The following EIF4E2 variants were observed in gnomAD, a reference collection of about 807,000 sequenced individuals.
EIF4E2 encodes eukaryotic translation initiation factor 4E type 2.
A neutral mutation model predicts 34.2 loss-of-function variants in EIF4E2; 13 were observed. That is an observed-to-expected ratio of 0.38 (90% CI 0.25 to 0.60). The LOEUF (loss-of-function observed/expected upper bound fraction) is 0.60. Among genes scored for constraint, EIF4E2 ranks in the 20% least tolerant of loss-of-function variants. EIF4E2 has a pLI of 0.62. For synonymous variants in EIF4E2, 100 were observed against 106.6 expected, an observed-to-expected ratio of 0.94 and a Z score of 0.38; for missense variants, 222 against 315.1, an observed-to-expected ratio of 0.70 and a Z score of 2.24.
chr2:232,576,074 C>G (rs952190349), intron 6 of EIF4E2, among the ~76,000 whole-genome samples: 12 of 152,030 alleles, frequency 7.9e-5, no homozygotes, highest in African/African-American at 2.4e-4. Flanking sequence ...CGTGGTGGCA[C>G]ACACCTGTTG....
rs137972142 is a variant in EIF4E2 at position 232,559,441 on chromosome 2, A to AAAAAAAT, written c.270+1426_270+1427insAAATAAA. On this transcript the variant is annotated intron_variant, in intron 3 of 6. Coordinates refer to ENST00000258416, the MANE Select transcript of EIF4E2 (RefSeq NM_004846.4). ...TTTTTTAAAGTGCTTTGGTTTGAAAAAAATAAAAAAATAAAATAAAATGCA... is the reference window on the plus strand; with the variant it reads ...TTTTTTAAAGTGCTTTGGTTTGAAAAAAAAAATAAATAAAAAAATAAAATAAAATGCA... Among the ~76,000 whole-genome samples, 243 of 135,422 alleles carry AAAAAAAT rather than the reference A, an allele frequency of 1.8e-3. 1 individual carries two copies. The highest frequency in any genetic ancestry group is 3.9e-3 in the Middle Eastern group (1 of 256). 88.8% of individuals were successfully genotyped at this position (135,422 alleles called of 152,430 possible).
chr2:232,568,056 T>C (rs1359218962), intron 6 of EIF4E2: 3 of 985,162 alleles, frequency 3.0e-6, no homozygotes, highest in Admixed American at 6.1e-5. Context: ...GACAGTACTT[T>C]ATCTAACAAG....
rs771772092 is a variant in EIF4E2 at position 232,566,914 on chromosome 2, C to T, written c.461C>T (p.Ala154Val). ...ASRCWENLIL[A>V]MLGEQFMVGE... is the part of the protein sequence containing the mutation. The stretch of plus-strand genomic sequence containing the variant: ...CGTTGCTGGGAGAATCTCATTTTGG[C>T]CATGCTGGGGGAACAGTTCATGGTT... The change falls in exon 5 of 7, where the codon GCC becomes GTC. Residue 154 changes from alanine to valine, a missense_variant. By Grantham distance (64) the Ala-to-Val change is moderately conservative. Transcript: ENST00000258416. This position sits in a 1 kb window ranked among gnomAD's most constrained non-coding sequence, Gnocchi z 4.9. 6.2e-7 allele frequency: 1 copy of T among 1,612,264 alleles called. No homozygotes were observed. Among genetic ancestry groups the T allele is most frequent in the Non-Finnish European group, 8.5e-7 (1 of 1,179,222 alleles).
intron 3 of EIF4E2, among the ~76,000 whole-genome samples, chr2:232,559,436 T>TG (rs1159326250): frequency 7.4e-4 from 83 of 112,212 alleles, no homozygotes; most frequent in African/African-American, 2.8e-3. Context: ...TGCTTTGGTT[T>TG]GAAAAAAATA....
chr2:232,555,801 T>C (rs1030530861), intron 1 of EIF4E2, among the ~76,000 whole-genome samples: 1 of 152,220 alleles, frequency 6.6e-6, no homozygotes, highest in African/African-American at 2.4e-5. Flanking sequence ...CATTTTGCTG[T>C]ACTTTATCTT....
rs71056276 is a variant in EIF4E2 at position 232,579,123 on chromosome 2, T to TACACACACACAC, written c.666-1748_666-1737dup. Among the ~76,000 whole-genome samples the TACACACACACAC allele has an allele frequency of 1.4e-3, 200 of 146,628 alleles. 1 individual carries two copies. The highest frequency in any genetic ancestry group is 3.5e-3 in the Middle Eastern group (1 of 282). ...TATTTTCCCTAAGAGAACTCAGAAATACACACACACACACACACACACACA... is the reference window on the plus strand; with the variant it reads ...TATTTTCCCTAAGAGAACTCAGAAATACACACACACACACACACACACACACACACACACACA... On this transcript the variant is annotated intron_variant, in intron 6 of 6. Coordinates refer to the EIF4E2 transcript ENST00000409098.
rs758085264 is a variant in EIF4E2 at position 232,557,892 on chromosome 2, C to T, written c.144C>T (p.Val48=). The T allele has an allele frequency of 1.2e-6, 2 of 1,613,362 alleles. No individual in the cohort carries two copies. The highest frequency in any genetic ancestry group is 3.3e-5 in the Admixed American group (2 of 59,986). ...CCTTCTTTACTTCCCAGGCTGTTGT[C>T]CCTGGACCGGCAGAGCATCCCCTGC... ...NQSSSKRKAV[V]PGPAEHPLQY... Residue 48 remains valine (V), a synonymous_variant, in exon 3 of 7, where the codon GTC becomes GTT. Coordinates refer to ENST00000258416, the MANE Select transcript of EIF4E2 (RefSeq NM_004846.4).
At chr2:232,571,512 A>T (rs889979468), downstream of EIF4E2, among the ~76,000 whole-genome samples, 9 of 152,222 alleles carry the variant, frequency 5.9e-5, no homozygotes, top group African/African-American at 2.2e-4. Context: ...TCTTTGGATT[A>T]GTCCCACTGA....
At chr2:232,579,445 T>A (rs1225416730) in intron 6 of EIF4E2, among the ~76,000 whole-genome samples, 1 of 152,176 alleles carries the variant, frequency 6.6e-6, no homozygotes, top group Non-Finnish European at 1.5e-5. Context: ...ATCAGTTTAT[T>A]CCCAGCCTGA....
At chr2:232,563,007 T>C (rs1188261835) in intron 3 of EIF4E2, among the ~76,000 whole-genome samples, 2 of 152,222 alleles carry the variant, frequency 1.3e-5, no homozygotes, top group Non-Finnish European at 2.9e-5. Flanking sequence ...TTTCACGCAG[T>C]GTAAGGCTGA....
At chr2:232,563,412 G>A (rs544484070) in intron 3 of EIF4E2, among the ~76,000 whole-genome samples, 2 of 151,812 alleles carry the variant, frequency 1.3e-5, no homozygotes, top group African/African-American at 4.8e-5. Context: ...TTAAGGGGAG[G>A]GGGGGTGACA....
At chr2:232,573,947 T>G (rs2106254445), downstream of EIF4E2, 4 of 520,516 alleles carry the variant, frequency 7.7e-6, no homozygotes, top group South Asian at 1.9e-5. Context: ...TTGGTGACAG[T>G]TGAGCATCAG....
downstream of EIF4E2, among the ~76,000 whole-genome samples, chr2:232,570,873 G>T (rs1011581297): frequency 6.6e-6 from 1 of 152,176 alleles, no homozygotes; most frequent in Non-Finnish European, 1.5e-5. Flanking sequence ...GGAGGTGGAG[G>T]TTGCAGGGGG....
downstream of EIF4E2, among the ~76,000 whole-genome samples, chr2:232,571,533 G>A (rs1013442227): frequency 2.0e-5 from 3 of 152,170 alleles, no homozygotes; most frequent in African/African-American, 7.2e-5. Context: ...TTCCTTTTGT[G>A]CATCTAGCCT....
intron 1 of EIF4E2, among the ~76,000 whole-genome samples, chr2:232,554,504 ATAGATGCTTGG>A (rs1471163158): frequency 6.6e-6 from 1 of 152,206 alleles, no homozygotes; most frequent in East Asian, 1.9e-4. Context: ...CATACACACC[ATAGATGCTTGG>A]TAGATGTTGG....
intron 3 of EIF4E2, among the ~76,000 whole-genome samples, chr2:232,563,866 C>A (rs1035283800): frequency 2.0e-5 from 3 of 152,190 alleles, no homozygotes; most frequent in Non-Finnish European, 4.4e-5. Context: ...CACTTACATA[C>A]CTCAAGGCTA....
At chr2:232,556,121 A>G (rs1430862709) in intron 1 of EIF4E2, among the ~76,000 whole-genome samples, 2 of 147,554 alleles carry the variant, frequency 1.4e-5, no homozygotes, top group Admixed American at 1.4e-4. Flanking sequence ...TTTGGCAGGG[A>G]AAACAATCCC....
downstream of EIF4E2, among the ~76,000 whole-genome samples, chr2:232,569,555 C>T (rs1458918831): frequency 1.3e-5 from 2 of 152,212 alleles, no homozygotes; most frequent in Non-Finnish European, 1.5e-5. Context: ...TTGGCCTTTG[C>T]TTCGCTGACT....
intron 1 of EIF4E2, chr2:232,551,189 T>C (rs979382224): frequency 3.0e-5 from 15 of 492,196 alleles, no homozygotes; most frequent in Non-Finnish European, 6.2e-5. Context: ...GGTAACACCC[T>C]TTGTCGTAGA....
Sources: gnomAD v4.1 joint callset for allele counts (sites outside exome capture counted in the v4.1 genomes callset) on GRCh38, gnomAD v4.1.1 for gene constraint, Gnocchi (gnomAD v3.1) non-coding constraint, MANE v1.5 for transcripts, NCBI Gene and HGNC (gene_info 2026-07-23, HGNC 2026-07-21) for gene names.